Variants in MACF1 observed in about 807,000 individuals in gnomAD.
MACF1 encodes microtubule-actin cross-linking factor 1.
In MACF1, 193 loss-of-function variants were observed where a neutral mutation model predicts 854.8. That is an observed-to-expected ratio of 0.23 (90% CI 0.20 to 0.25). The LOEUF (loss-of-function observed/expected upper bound fraction) is 0.25, where lower values mean the gene tolerates loss of function less well. MACF1 is among the 10% of genes least tolerant of loss of function. The probability of loss-of-function intolerance (pLI) is 1.00; values close to 1 mark genes in which losing one functional copy is unlikely to be tolerated. For missense variants in MACF1, 7,722 were observed against 8,929.1 expected, an observed-to-expected ratio of 0.86 and a Z score of 5.45; for synonymous variants, 3,185 against 3,226.7, an observed-to-expected ratio of 0.99 and a Z score of 0.44.
intron 2 of MACF1, among the ~76,000 whole-genome samples, chr1:39,158,582 A>G (rs958627734): frequency 1.3e-5 from 2 of 152,166 alleles, no homozygotes; most frequent in Non-Finnish European, 2.9e-5. Flanking sequence ...TGTCCTGAAA[A>G]GCATTTAAGC....
intron 21 of MACF1, 62 bp downstream of exon 21, chr1:39,297,807 T>G: frequency 6.3e-7 from 1 of 1,590,350 alleles, no homozygotes; most frequent in Non-Finnish European, 8.6e-7. Flanking sequence ...TATCAGCTGC[T>G]GCTGTTTATA....
Position 39,318,567 on chromosome 1 carries a change from C to T in MACF1, c.3897C>T (p.Gly1299=). 6.2e-7 allele frequency: 1 copy of T among 1,613,858 alleles called. No homozygotes were observed. Among genetic ancestry groups the T allele is most frequent in the Non-Finnish European group, 8.5e-7 (1 of 1,179,928 alleles). Reference sequence around the variant, plus strand: ...CCCAGCAGGAAATGATGAAGCCAGGCCAGGCAGAGGATAGCAGAGTGCTTT... The same window carrying T: ...CCCAGCAGGAAATGATGAAGCCAGGTCAGGCAGAGGATAGCAGAGTGCTTT... ...TTAQQEMMKP[G]QAEDSRVLSE... Residue 1299 remains glycine, a synonymous_variant, in exon 30 of 101, where the codon GGC becomes GGT. Transcript: ENST00000564288.
At chr1:39,393,196 A>AAATATATATAT (rs57576149) in intron 58 of MACF1, among the ~76,000 whole-genome samples, 19 of 66,562 alleles carry the variant, frequency 2.9e-4, no homozygotes, top group African/African-American at 1.4e-3. Context: ...AAAAAAAAAA[A>AAATATATATAT]ATATATATAT....
At chr1:39,247,904 C>A (rs1367030190) in intron 2 of MACF1, among the ~76,000 whole-genome samples, 1 of 152,134 alleles carries the variant, frequency 6.6e-6, no homozygotes, top group Non-Finnish European at 1.5e-5. Context: ...CACCTGTAAT[C>A]CCAGCTACTC....
chr1:39,423,361 T>C (rs1177237591), intron 60 of MACF1, among the ~76,000 whole-genome samples: 1 of 152,130 alleles, frequency 6.6e-6, no homozygotes, highest in Admixed American at 6.5e-5. Context: ...TTTGGCTGGG[T>C]GTGGTGGTTC....
Position 39,472,817 on chromosome 1 carries a change from G to A in MACF1, c.21958+3202G>A, listed in dbSNP as rs1409161633. Among the ~76,000 whole-genome samples the A allele has an allele frequency of 3.3e-5, 5 of 152,306 alleles. No individual in the cohort carries two copies. The South Asian group carries it at 1.0e-3, about 32-fold the overall frequency. ...GAGAGAGGAAGGAAAATAAAAGGGAGAAGACAAGCCTCTAAAGCCCCAATT... is the reference window on the plus strand; with the variant it reads ...GAGAGAGGAAGGAAAATAAAAGGGAAAAGACAAGCCTCTAAAGCCCCAATT... On this transcript the variant is annotated intron_variant, in intron 97 of 100. Transcript: ENST00000564288.
At chr1:39,260,748 C>CA (rs1048271582) in intron 6 of MACF1, among the ~76,000 whole-genome samples, 2 of 152,052 alleles carry the variant, frequency 1.3e-5, no homozygotes, top group Non-Finnish European at 2.9e-5. Flanking sequence ...AACAAACAAA[C>CA]AAAAAACCCC....
intron 1 of MACF1, 98 bp from the exon 2 acceptor site, chr1:39,231,084 G>A (rs1571200316): frequency 3.3e-6 from 3 of 900,324 alleles, no homozygotes; most frequent in East Asian, 2.4e-5. Context: ...ATGTGGGTAA[G>A]TTGTTCTAGA....
At position 39,432,524 on chromosome 1, in the gene MACF1, A is replaced by G. The variant is rs1463393190; in HGVS notation, c.17338-11A>G. On this transcript the variant is annotated splice_polypyrimidine_tract_variant and intron_variant, in intron 66 of 100. Transcript: ENST00000564288. ...TATAATTTGTTTATTTTTCTTTAAT[A>G]CGTCTATTAGTATGAGCAAGCTGCC... The G allele has an allele frequency of 6.2e-7, 1 of 1,612,916 alleles. No homozygotes were observed. The highest frequency in any genetic ancestry group is 8.5e-7 in the Non-Finnish European group (1 of 1,179,556).
chr1:39,388,783 A>G, intron 58 of MACF1, 125 bp downstream of exon 58: 1 of 844,870 alleles, frequency 1.2e-6, no homozygotes, highest in East Asian at 2.8e-5. Context: ...CATCACCATG[A>G]AAGCACACTG....
At chr1:39,448,839 G>A (rs1323520681) in intron 84 of MACF1, 76 bp downstream of exon 84, 3 of 1,277,188 alleles carry the variant, frequency 2.3e-6, no homozygotes, top group Non-Finnish European at 2.1e-6. Flanking sequence ...TCTATAAAAT[G>A]GTGATAAAGC....
rs1433889208 is a variant in MACF1 at position 39,423,017 on chromosome 1, T to G, written c.16149+117T>G. The G allele has an allele frequency of 4.6e-6, 4 of 866,732 alleles. No homozygotes were observed. The African/African-American group carries it at 5.1e-5, about 11-fold the overall frequency. 53.7% of individuals were successfully genotyped at this position (866,732 alleles called of 1,614,324 possible). On this transcript the variant is annotated intron_variant, in intron 60 of 100. Transcript: ENST00000564288. ...TTTAGTAGAATCCTAAACTACTTTG[T>G]GTCGTCCTGAAAAGAAAGGTGGAAA...
At chr1:39,453,895 A>G in intron 88 of MACF1, 45 bp downstream of exon 88, 2 of 1,609,358 alleles carry the variant, frequency 1.2e-6, no homozygotes, top group South Asian at 2.2e-5. Flanking sequence ...CCAGTAAACT[A>G]TCACTATAGT....
chr1:39,299,151 C>T, intron 21 of MACF1: 1 of 450,474 alleles, frequency 2.2e-6, no homozygotes, highest in Non-Finnish European at 4.5e-6. Flanking sequence ...TAGACCAGCT[C>T]TCAAGTATGG....
chr1:39,358,775 G>A lies in MACF1; in HGVS notation c.12022G>A (p.Ala4008Thr). ...CCAAAACAGTGCTGACAGCCTGCAG[G>A]CCTGGATGCAGGCTTGTGAGGCCAA... ...QFQNSADSLQ[A>T]WMQACEANVE... The change falls in exon 46 of 101, where the codon GCC (alanine) becomes ACC (threonine). Residue 4008 changes from alanine (A) to threonine (T), a missense_variant. Around this residue, in one of 15 missense-constraint regions of MACF1, gnomAD observed 2,807 missense variants for 3,235.8 expected, o/e 0.87. Transcript: ENST00000564288. The A allele has an allele frequency of 1.2e-6, 2 of 1,613,910 alleles. No homozygotes were observed. Among genetic ancestry groups the A allele is most frequent in the Non-Finnish European group, 1.7e-6 (2 of 1,179,844 alleles).
At chr1:39,375,158 T>C (rs374390817) in intron 52 of MACF1, among the ~76,000 whole-genome samples, 8 of 152,118 alleles carry the variant, frequency 5.3e-5, no homozygotes, top group African/African-American at 1.9e-4. Context: ...AACCATTTTG[T>C]TGGTGTAAGT....
At position 39,350,937 on chromosome 1, in the gene MACF1, G is replaced by A; in HGVS notation, c.11118G>A (p.Glu3706=). The A allele has an allele frequency of 6.2e-7, 1 of 1,614,140 alleles. No homozygotes were observed. Among genetic ancestry groups the A allele is most frequent in the Non-Finnish European group, 8.5e-7 (1 of 1,179,986 alleles). Residue 3706 remains glutamate, a synonymous_variant, in exon 43 of 101, where the codon GAG becomes GAA. Transcript: ENST00000564288. ...TTCATCAGGCTAAGGAGCAATATGAGGCGCTCCAGGAAGAGACACGTGTGG... is the reference window on the plus strand; with the variant it reads ...TTCATCAGGCTAAGGAGCAATATGAAGCGCTCCAGGAAGAGACACGTGTGG... ...EKLHQAKEQY[E]ALQEETRVAQ...
intron 95 of MACF1, among the ~76,000 whole-genome samples, chr1:39,465,992 G>A (rs1314830786): frequency 1.3e-5 from 2 of 152,064 alleles, no homozygotes; most frequent in Admixed American, 6.5e-5. Flanking sequence ...TGAATGCTAG[G>A]GTGCCTTTGA....
At chr1:39,124,020 G>A (rs970125577) in intron 2 of MACF1, among the ~76,000 whole-genome samples, 1 of 150,968 alleles carries the variant, frequency 6.6e-6, no homozygotes, top group African/African-American at 2.4e-5. Flanking sequence ...GATTACAGGC[G>A]TGAGCTACTG....
Sources: allele counts gnomAD v4.1 joint callset (sites outside exome capture counted in the v4.1 genomes callset), GRCh38; gene constraint gnomAD v4.1.1; regional missense constraint gnomAD v4.1.1; transcripts MANE v1.5; gene names NCBI Gene and HGNC (gene_info 2026-07-23, HGNC 2026-07-21).